TMEM131: variants seen among roughly 807,000 people sequenced by gnomAD.
TMEM131 encodes the protein transmembrane protein 131.
In TMEM131, 66 loss-of-function variants were observed where a neutral mutation model predicts 211.6. That is an observed-to-expected ratio of 0.31 (90% CI 0.26 to 0.38). The LOEUF is 0.38. Among genes scored for constraint, TMEM131 ranks in the 10% least tolerant of loss-of-function variants. TMEM131 has a pLI of 1.00. For missense variants in TMEM131, 2,036 were observed against 2,299.3 expected (o/e 0.89, Z 2.34); for synonymous variants, 844 against 841.3 (o/e 1.00, Z -0.06).
In TMEM131 at chr2:97,988,931, C is replaced by G. The variant is rs546081258; in HGVS notation, c.187+6545G>C. 3.3e-4 allele frequency among the ~76,000 whole-genome samples: 50 copies of G among 152,188 alleles called. 1 individual carries two copies. In the South Asian group the frequency reaches 0.01, roughly 32 times the overall value. On this transcript the variant is annotated intron_variant, in intron 1 of 40. Coordinates refer to ENST00000186436, the MANE Select transcript of TMEM131 (RefSeq NM_015348.2). ...GGTAGATATGCAAAATAGTTGAAAC[C>G]AGGGTCTTGAAGAGATATTTGCATA...
chr2:97,773,535 A>G (rs997194567), intron 32 of TMEM131, among the ~76,000 whole-genome samples: 1 of 152,196 alleles, frequency 6.6e-6, no homozygotes, highest in South Asian at 2.1e-4. Context: ...AGGACCAGGA[A>G]AGTACAGAAC....
intron 1 of TMEM131, among the ~76,000 whole-genome samples, chr2:97,935,714 G>A (rs1333764574): frequency 6.6e-6 from 1 of 152,108 alleles, no homozygotes; most frequent in African/African-American, 2.4e-5. Flanking sequence ...AGGGACATTT[G>A]AAAATTCTAA....
chr2:97,897,088 T>C (rs975990480), intron 3 of TMEM131, among the ~76,000 whole-genome samples: 21 of 152,160 alleles, frequency 1.4e-4, no homozygotes, highest in Non-Finnish European at 1.9e-4. Flanking sequence ...TTTATGCCAT[T>C]GTAAATCACA....
At chr2:97,885,460 T>A (rs933044939) in intron 4 of TMEM131, among the ~76,000 whole-genome samples, 2 of 151,682 alleles carry the variant, frequency 1.3e-5, no homozygotes, top group South Asian at 2.1e-4. Context: ...AGTGCTGGGA[T>A]TACAGGCGTG....
At chr2:97,848,590 A>C (rs1683555330) in intron 5 of TMEM131, among the ~76,000 whole-genome samples, 1 of 152,222 alleles carries the variant, frequency 6.6e-6, no homozygotes, top group Non-Finnish European at 1.5e-5. Context: ...GAACATGTAC[A>C]GACAAGAAAA....
Position 97,995,746 on chromosome 2 carries a change from G to A in TMEM131, c.-84C>T. 2.9e-6 allele frequency: 3 copies of A among 1,046,466 alleles called. No individual in the cohort carries two copies. Among genetic ancestry groups the A allele is most frequent in the Non-Finnish European group, 3.5e-6 (3 of 845,990 alleles). 64.8% of individuals were successfully genotyped at this position (1,046,466 alleles called of 1,614,324 possible). On this transcript the variant is annotated 5_prime_UTR_variant, in exon 1 of 41. Coordinates refer to ENST00000186436, the MANE Select transcript of TMEM131 (RefSeq NM_015348.2). The stretch of plus-strand genomic sequence containing the variant: ...GCGGCGGCGCGGAAGCCGTGGTCCG[G>A]GCTCTGGCCGCGGCGCCGGGAGCGA...
At chr2:97,892,719 A>T (rs1229831843) in intron 3 of TMEM131, among the ~76,000 whole-genome samples, 1 of 152,124 alleles carries the variant, frequency 6.6e-6, no homozygotes, top group East Asian at 1.9e-4. Context: ...TCCAGTTTGC[A>T]AATATTTCTA....
intron 1 of TMEM131, among the ~76,000 whole-genome samples, chr2:97,989,496 T>C (rs1680169805): frequency 6.6e-6 from 1 of 150,666 alleles, no homozygotes; most frequent in Admixed American, 6.6e-5. Flanking sequence ...AGTTGTTTAA[T>C]GGGTATAGAC....
intron 25 of TMEM131, among the ~76,000 whole-genome samples, chr2:97,800,263 T>C (rs1400261833): frequency 6.6e-6 from 1 of 152,190 alleles, no homozygotes; most frequent in African/African-American, 2.4e-5. Flanking sequence ...TACTCTAAGC[T>C]CACTCTAGGA....
At chr2:97,786,021 TGAA>T (rs893611071) in intron 31 of TMEM131, among the ~76,000 whole-genome samples, 4 of 152,136 alleles carry the variant, frequency 2.6e-5, no homozygotes, top group Non-Finnish European at 4.4e-5. Flanking sequence ...AGGGGTAGGC[TGAA>T]GAAGGAGGGA....
intron 29 of TMEM131, 31 bp from the exon 30 acceptor site, chr2:97,793,584 GATTC>G: frequency 6.4e-7 from 1 of 1,572,242 alleles, no homozygotes; most frequent in Non-Finnish European, 8.6e-7. Context: ...GGAAAATCAG[GATTC>G]ATTTGTTAGT....
At chr2:97,788,777 C>G (rs1310141660) in intron 31 of TMEM131, among the ~76,000 whole-genome samples, 2 of 152,186 alleles carry the variant, frequency 1.3e-5, no homozygotes, top group Non-Finnish European at 2.9e-5. Context: ...AAATTGTGGT[C>G]ACGTCTGAAA....
rs138598526 is a variant in TMEM131 at position 97,987,364 on chromosome 2, G to A, written c.187+8112C>T. Reference sequence around the variant, plus strand: ...CTAAAAATACAAAAATTAGCTGAGCGTGGTGGCACACACCTGTAGTCCCAG... The same window carrying A: ...CTAAAAATACAAAAATTAGCTGAGCATGGTGGCACACACCTGTAGTCCCAG... On this transcript the variant is annotated intron_variant, in intron 1 of 40. Transcript: ENST00000186436. Among the ~76,000 whole-genome samples, 226 of 152,170 alleles carry A rather than the reference G, an allele frequency of 1.5e-3. 1 individual carries two copies. Among genetic ancestry groups the A allele is most frequent in the African/African-American group, 4.9e-3 (205 of 41,518 alleles).
At chr2:97,811,259 C>A (rs1681536618) in intron 17 of TMEM131, 27 bp from the exon 18 acceptor site, 4 of 1,553,412 alleles carry the variant, frequency 2.6e-6, no homozygotes, top group South Asian at 1.1e-5. Context: ...TGGTATCATT[C>A]ATTAGCCTTG....
At chr2:97,834,727 C>A in intron 9 of TMEM131, 48 bp downstream of exon 9, 1 of 1,607,376 alleles carries the variant, frequency 6.2e-7, no homozygotes, top group Non-Finnish European at 8.5e-7. Flanking sequence ...CCAGAGTAAG[C>A]TATACTGAAA....
chr2:97,950,729 T>TC (rs1228792062), intron 1 of TMEM131, among the ~76,000 whole-genome samples: 2 of 152,056 alleles, frequency 1.3e-5, no homozygotes, highest in African/African-American at 4.8e-5. Context: ...ATTCCAAGAC[T>TC]CCAATATCTA....
At chr2:97,910,975 A>G (rs1676268073) in intron 2 of TMEM131, among the ~76,000 whole-genome samples, 1 of 152,204 alleles carries the variant, frequency 6.6e-6, no homozygotes, top group African/African-American at 2.4e-5. Context: ...AATGGCTTGT[A>G]CATAAATGTT....
intron 1 of TMEM131, among the ~76,000 whole-genome samples, chr2:97,963,004 T>C (rs142802710): frequency 1.4e-3 from 217 of 152,228 alleles, no homozygotes; most frequent in African/African-American, 5.0e-3. Context: ...CTGAGACCAG[T>C]GATGAGGAAA....
chr2:97,969,068 C>G (rs545009969), intron 1 of TMEM131, among the ~76,000 whole-genome samples: 15 of 136,898 alleles, frequency 1.1e-4, no homozygotes, highest in Non-Finnish European at 2.0e-4. Flanking sequence ...GTATGGGTGA[C>G]AGAGACAGAC....
Sources: gnomAD v4.1 joint callset for allele counts (sites outside exome capture counted in the v4.1 genomes callset) on GRCh38, gnomAD v4.1.1 for gene constraint, MANE v1.5 for transcripts, NCBI Gene and HGNC (gene_info 2026-07-23, HGNC 2026-07-21) for gene names.